Variants in PADI6 observed in about 807,000 individuals in gnomAD.
PADI6 encodes the protein inactive protein-arginine deiminase type-6.
A neutral mutation model predicts 78.2 loss-of-function variants in PADI6; 66 were observed. The ratio of observed to expected loss-of-function variants is 0.84; its 90% CI spans 0.69 to 1.04. The LOEUF is 1.04. Among genes scored for constraint, PADI6 ranks in the 50% least tolerant of loss-of-function variants. The probability of loss-of-function intolerance (pLI) is 0.00; values close to 1 mark genes in which losing one functional copy is unlikely to be tolerated. For synonymous variants in PADI6, 397 were observed against 346.9 expected, an observed-to-expected ratio of 1.14 and a Z score of -1.60; for missense variants, 854 against 866.1, an observed-to-expected ratio of 0.99 and a Z score of 0.18.
intron 6 of PADI6, among the ~76,000 whole-genome samples, chr1:17,385,349 A>G (rs998000255): frequency 2.0e-5 from 3 of 152,128 alleles, no homozygotes; most frequent in Non-Finnish European, 4.4e-5. Flanking sequence ...CAAACTAGAA[A>G]AAGGTGTGGG....
At chr1:17,386,161 G>A (rs896563507) in intron 6 of PADI6, among the ~76,000 whole-genome samples, 5 of 152,242 alleles carry the variant, frequency 3.3e-5, no homozygotes, top group East Asian at 1.9e-4. Context: ...TACTTGGGTC[G>A]CAGGGCTTCT....
chr1:17,386,140 G>T (rs1287368757), intron 6 of PADI6, among the ~76,000 whole-genome samples: 1 of 152,224 alleles, frequency 6.6e-6, no homozygotes, highest in East Asian at 1.9e-4. Flanking sequence ...GGTAGAGGCA[G>T]CTATTGTGTG....
intron 9 of PADI6, 140 bp downstream of exon 9, chr1:17,392,365 A>G (rs951929892): frequency 1.6e-6 from 1 of 613,612 alleles, no homozygotes; most frequent in African/African-American, 1.9e-5. Context: ...TTAGGACTTC[A>G]GTGGAGGCTC....
At position 17,394,026 on chromosome 1, in the gene PADI6, A is replaced by C. The variant is rs768000252; in HGVS notation, c.1126A>C (p.Ile376Leu). Residue 376 changes from isoleucine to leucine, a missense_variant, in exon 10 of 16, where the codon ATC becomes CTC. Coordinates refer to ENST00000619609, the MANE Select transcript of PADI6 (RefSeq NM_207421.4). ...TQAPHKTTSL[I>L]LDTPQAADLD... ...GGCTCCCCACAAGACAACGTCCTTG[A>C]TCCTCGACACACCTCAGGCCGCCGA... is the stretch of plus-strand genomic sequence containing the variant. The C allele has an allele frequency of 1.2e-6, 2 of 1,613,892 alleles. No individual in the cohort carries two copies. Among genetic ancestry groups the C allele is most frequent in the South Asian group, 1.1e-5 (1 of 91,064 alleles).
intron 3 of PADI6, among the ~76,000 whole-genome samples, chr1:17,379,111 A>ATTTTTTCTTTTTT (rs1402667334): frequency 9.9e-6 from 1 of 100,846 alleles, no homozygotes; most frequent in African/African-American, 5.8e-5. Flanking sequence ...TGCCCAGTTA[A>ATTTTTTCTTTTTT]TTTTTTTTTT....
chr1:17,398,742 G>C lies in PADI6; in HGVS notation c.1746G>C (p.Gln582His), dbSNP rs528743589. ...AGACGGAGCTGGGCCTGGTGGAACA[G>C]GACATCATCGAGATTCCCCAGCTGT... ...ILKTELGLVE[Q>H]DIIEIPQLFC... The change falls in exon 15 of 16, where the codon CAG becomes CAC. Residue 582 changes from glutamine to histidine, a missense_variant. Transcript: ENST00000619609. 45 of 1,597,212 alleles carry C rather than the reference G, an allele frequency of 2.8e-5. No individual in the cohort carries two copies. In the South Asian group the frequency reaches 3.2e-4, roughly 11 times the overall value.
intron 3 of PADI6, among the ~76,000 whole-genome samples, chr1:17,377,630 T>C (rs2075031973): frequency 6.6e-6 from 1 of 152,234 alleles, no homozygotes; most frequent in Non-Finnish European, 1.5e-5. Context: ...TCCATCCTTC[T>C]AGTGTAAACC....
chr1:17,388,393 G>A lies in PADI6; in HGVS notation c.692G>A (p.Ser231Asn). 6.2e-7 allele frequency: 1 copy of A among 1,612,430 alleles called. No individual in the cohort carries two copies. The highest frequency in any genetic ancestry group is 1.1e-5 in the South Asian group (1 of 90,714). ...RVYWPQKDNSSTFELVLGPDQ... is the reference protein window; with the variant it reads ...RVYWPQKDNSNTFELVLGPDQ... ...CTTTCTCTCCTAGAAGACAACTCCAGTACCTTTGAGTTGGTGCTGGGGCCC... is the reference window on the plus strand; with the variant it reads ...CTTTCTCTCCTAGAAGACAACTCCAATACCTTTGAGTTGGTGCTGGGGCCC... Residue 231 changes from serine to asparagine, a missense_variant, in exon 7 of 16, where the codon AGT (serine) becomes AAT (asparagine). Transcript: ENST00000619609.
At chr1:17,392,646 C>T (rs78081021) in intron 9 of PADI6, among the ~76,000 whole-genome samples, 3,461 of 152,324 alleles carry the variant, frequency 0.023, 134 homozygotes, top group African/African-American at 0.079. Context: ...CTAGGCACGC[C>T]ATCCTGAGCA....
At chr1:17,388,752 C>T (rs2075152401) in intron 7 of PADI6, 25 bp from the exon 8 acceptor site, 2 of 1,599,504 alleles carry the variant, frequency 1.3e-6, no homozygotes, top group East Asian at 2.2e-5. Flanking sequence ...AAGCAGGTTG[C>T]TAACAGGACC....
chr1:17,395,219 G>T (rs573806298), intron 12 of PADI6, 112 bp downstream of exon 12: 156,757 of 1,328,396 alleles, frequency 0.12, 8,711 homozygotes, highest in Non-Finnish European at 0.13. Context: ...TTTTTTGTTT[G>T]TTTTTTGAGA....
chr1:17,401,547 G>A lies in PADI6; in HGVS notation c.*109G>A. The A allele has an allele frequency of 9.6e-7, 1 of 1,042,670 alleles. No individual in the cohort carries two copies. The highest frequency in any genetic ancestry group is 1.4e-6 in the Non-Finnish European group (1 of 720,814). 64.6% of individuals were successfully genotyped at this position (1,042,670 alleles called of 1,614,324 possible). A position where few individuals can be genotyped will look rare whatever the true frequency, so the allele number is the denominator to read the frequency against. On this transcript the variant is annotated 3_prime_UTR_variant, in exon 16 of 16. Transcript: ENST00000619609. Reference sequence around the variant, plus strand: ...AGGAGGCTGGAGAGTCCAGGCAACAGAACCCTTTCTTCCCTGTCTGCCCCG... The same window carrying A: ...AGGAGGCTGGAGAGTCCAGGCAACAAAACCCTTTCTTCCCTGTCTGCCCCG...
Position 17,384,182 on chromosome 1 carries a change from A to C in PADI6, c.679+2090A>C, listed in dbSNP as rs545022451. 2.0e-4 allele frequency among the ~76,000 whole-genome samples: 30 copies of C among 152,180 alleles called. No individual in the cohort carries two copies. In the South Asian group the frequency reaches 5.2e-3, roughly 26 times the overall value. On this transcript the variant is annotated intron_variant, in intron 6 of 15. Coordinates refer to ENST00000619609, the MANE Select transcript of PADI6 (RefSeq NM_207421.4). The stretch of plus-strand genomic sequence containing the variant: ...AAAAATCAGGGTAGGGCAACACAGC[A>C]TGTTATGTTTTAACAAGCCTTCCAG...
chr1:17,394,162 A>C (rs942852013), intron 10 of PADI6, 80 bp downstream of exon 10: 4 of 1,553,700 alleles, frequency 2.6e-6, no homozygotes, highest in Non-Finnish European at 3.5e-6. Flanking sequence ...TGGGGCACCA[A>C]GTGGGGAGAG....
At chr1:17,394,120 ATC>A (rs781536467) in intron 10 of PADI6, 38 bp downstream of exon 10, 9 of 1,590,888 alleles carry the variant, frequency 5.7e-6, no homozygotes, top group South Asian at 1.1e-5. Flanking sequence ...GCTCAGTCCA[ATC>A]TCTCAGGCCT....
At chr1:17,391,183 T>A (rs1046838205) in intron 8 of PADI6, among the ~76,000 whole-genome samples, 1 of 151,468 alleles carries the variant, frequency 6.6e-6, no homozygotes, top group Non-Finnish European at 1.5e-5. Flanking sequence ...GACCTCCAAC[T>A]TTTGAGGACC....
In PADI6 at chr1:17,375,485, A is replaced by G; in HGVS notation, c.353A>G (p.Tyr118Cys). ...EDAPVGTAVLYLTGIEVSLEV... is the reference protein window; with the variant it reads ...EDAPVGTAVLCLTGIEVSLEV... ...GCCCCCGTGGGCACAGCTGTGCTGT[A>G]CCTCACTGGCATTGGTGAGTGTTGC... Residue 118 changes from tyrosine (Y) to cysteine (C), a missense_variant, in exon 3 of 16, where the codon TAC (tyrosine) becomes TGC (cysteine). By Grantham distance (194) the Tyr-to-Cys change is radical. Coordinates refer to ENST00000619609, the MANE Select transcript of PADI6 (RefSeq NM_207421.4). 6.2e-7 allele frequency: 1 copy of G among 1,607,702 alleles called. No homozygotes were observed. The highest frequency in any genetic ancestry group is 8.5e-7 in the Non-Finnish European group (1 of 1,177,062).
chr1:17,392,007 C>T (rs1372528245), intron 8 of PADI6, 107 bp from the exon 9 acceptor site: 5 of 922,106 alleles, frequency 5.4e-6, no homozygotes, highest in Non-Finnish European at 8.4e-6. Context: ...AGGGATGTAA[C>T]CTCTCCTGGT....
At chr1:17,379,845 C>T in intron 3 of PADI6, 75 bp from the exon 4 acceptor site, 2 of 1,356,590 alleles carry the variant, frequency 1.5e-6, no homozygotes, top group South Asian at 2.4e-5. Flanking sequence ...GGCAGCCCCA[C>T]AGGAGATAAC....
Sources: allele counts gnomAD v4.1 joint callset (sites outside exome capture counted in the v4.1 genomes callset), GRCh38; gene constraint gnomAD v4.1.1; transcripts MANE v1.5; gene names NCBI Gene and HGNC (gene_info 2026-07-23, HGNC 2026-07-21).